SRRD: variants seen among roughly 807,000 people sequenced by gnomAD.
SRRD encodes the protein SRR1 domain containing.
In SRRD, 28 loss-of-function variants were observed where a neutral mutation model predicts 30.7. The ratio of observed to expected loss-of-function variants is 0.91; its 90% CI spans 0.68 to 1.25. The LOEUF (loss-of-function observed/expected upper bound fraction) is 1.25. Ranked by LOEUF, SRRD falls within the 50% of genes most tolerant of loss-of-function variation. The pLI, the probability that SRRD is intolerant of heterozygous loss-of-function variation, is 0.00. For synonymous variants in SRRD, 161 were observed against 159.6 expected (o/e 1.01, Z -0.07); for missense variants, 415 against 417.3 (o/e 0.99, Z 0.05).
chr22:26,483,926 G>A lies in SRRD; in HGVS notation c.36G>A (p.Trp12Ter). The change falls in exon 1 of 7, where the codon TGG (tryptophan) becomes TGA (stop). Residue 12 changes from tryptophan (W) to a stop codon, truncating the protein, a stop_gained. Coordinates refer to ENST00000215917, the MANE Select transcript of SRRD (RefSeq NM_001013694.3). LOFTEE classifies it high-confidence loss of function. ...AAAAAAALESWQAAAPRKRRS... is the reference protein window; with the variant it reads ...AAAAAAALES ...CCGCAGCTGCGGCGCTGGAATCCTG[G>A]CAGGCGGCGGCTCCGCGGAAGAGGC... is the stretch of plus-strand genomic sequence containing the variant. 7.4e-7 allele frequency: 1 copy of A among 1,350,144 alleles called. No homozygotes were observed. Among genetic ancestry groups the A allele is most frequent in the Non-Finnish European group, 9.4e-7 (1 of 1,061,686 alleles). 83.6% of individuals were successfully genotyped at this position (1,350,144 alleles called of 1,614,324 possible).
At chr22:26,489,750 T>C (rs571786563) in intron 4 of SRRD, among the ~76,000 whole-genome samples, 24 of 152,306 alleles carry the variant, frequency 1.6e-4, no homozygotes, top group Middle Eastern at 3.4e-3. Flanking sequence ...CCTCCTGTTC[T>C]TGCCGTCATA....
At chr22:26,487,663 C>A (rs2091718145) in intron 2 of SRRD, among the ~76,000 whole-genome samples, 1 of 152,150 alleles carries the variant, frequency 6.6e-6, no homozygotes, top group Non-Finnish European at 1.5e-5. Flanking sequence ...TTTGTTACAA[C>A]TTTAAAAGTA....
chr22:26,490,341 C>T (rs1006109418), intron 5 of SRRD, 143 bp downstream of exon 5: 2 of 994,210 alleles, frequency 2.0e-6, no homozygotes, highest in Non-Finnish European at 2.9e-6. Flanking sequence ...GGCTTAAAGA[C>T]AGATGTCAAA....
chr22:26,485,963 T>A, intron 1 of SRRD, 60 bp from the exon 2 acceptor site: 1 of 1,604,856 alleles, frequency 6.2e-7, no homozygotes, highest in Non-Finnish European at 8.5e-7. Context: ...TCAGGAAAGT[T>A]ACTGTTGGGG....
At chr22:26,485,960 A>G (rs919726540) in intron 1 of SRRD, 63 bp from the exon 2 acceptor site, 2 of 1,599,740 alleles carry the variant, frequency 1.3e-6, no homozygotes, top group Non-Finnish European at 8.6e-7. Flanking sequence ...TGATCAGGAA[A>G]GTTACTGTTG....
In SRRD at chr22:26,483,938, T is replaced by C. The variant is rs2147092630; in HGVS notation, c.48T>C (p.Ala16=). Residue 16 remains alanine, a synonymous_variant, in exon 1 of 7, where the codon GCT becomes GCC. Transcript: ENST00000215917. The part of the protein sequence containing the change: ...AAALESWQAA[A]PRKRRSAARR... ...CGCTGGAATCCTGGCAGGCGGCGGCTCCGCGGAAGAGGCGCTCCGCGGCTC... is the reference window on the plus strand; with the variant it reads ...CGCTGGAATCCTGGCAGGCGGCGGCCCCGCGGAAGAGGCGCTCCGCGGCTC... 4 of 1,352,006 alleles carry C rather than the reference T, an allele frequency of 3.0e-6. No individual in the cohort carries two copies. Among genetic ancestry groups the C allele is most frequent in the Non-Finnish European group, 3.8e-6 (4 of 1,063,008 alleles). The allele number at this position is 1,352,006 out of a possible 1,614,324, so 83.8% of individuals were successfully genotyped here.
intron 6 of SRRD, 77 bp from the exon 7 acceptor site, chr22:26,491,386 A>G (rs1317633521): frequency 1.7e-6 from 2 of 1,162,078 alleles, no homozygotes; most frequent in African/African-American, 3.1e-5. Flanking sequence ...GATGACAAGT[A>G]AAGTGGAAAT....
chr22:26,491,422 G>A (rs1388948128), intron 6 of SRRD, 41 bp from the exon 7 acceptor site: 2 of 1,479,144 alleles, frequency 1.4e-6, no homozygotes, highest in Admixed American at 3.5e-5. Flanking sequence ...GGGGATTACT[G>A]TGACTATCTG....
chr22:26,486,083 T>A lies in SRRD; in HGVS notation c.250+20T>A. On this transcript the variant is annotated intron_variant, in intron 2 of 6. Coordinates refer to ENST00000215917, the MANE Select transcript of SRRD (RefSeq NM_001013694.3). The stretch of plus-strand genomic sequence containing the variant: ...CACTAGGTGGGTACCACTTGGCCAA[T>A]GGTAGGGATTGTGGGGCAGAAAAGA... 6.2e-7 allele frequency: 1 copy of A among 1,611,612 alleles called. No individual in the cohort carries two copies. The highest frequency in any genetic ancestry group is 1.7e-4 in the Middle Eastern group (1 of 6,060).
At chr22:26,490,559 C>CTTTTTTGTTTTTTTTTTTTTT (rs1921027159) in intron 5 of SRRD, among the ~76,000 whole-genome samples, 1 of 51,834 alleles carries the variant, frequency 1.9e-5, no homozygotes, top group Admixed American at 3.3e-4. Context: ...GGAATATTTG[C>CTTTTTTGTTTTTTTTTTTTTT]TTTTTTTTTT....
At chr22:26,485,292 T>A (rs2091680428) in intron 1 of SRRD, among the ~76,000 whole-genome samples, 1 of 152,188 alleles carries the variant, frequency 6.6e-6, no homozygotes, top group Admixed American at 6.5e-5. Context: ...ATTTACCAGT[T>A]CATAAAGCAT....
At chr22:26,490,763 C>A in intron 5 of SRRD, 1 of 405,056 alleles carries the variant, frequency 2.5e-6, no homozygotes, top group East Asian at 4.5e-5. Context: ...GGGGTTTTAC[C>A]ATGTTGGCCA....
At chr22:26,490,987 G>GTTTTTTTTTTTTTTTTTTTTTTTTTT in intron 5 of SRRD, 38 bp from the exon 6 acceptor site, 1 of 1,448,718 alleles carries the variant, frequency 6.9e-7, no homozygotes, top group Non-Finnish European at 9.5e-7. Flanking sequence ...TAATCATGGT[G>GTTTTTTTTTTTTTTTTTTTTTTTTTT]TTTTTTTTTT....
rs2091707252 is a variant in SRRD, at chr22:26,486,163, T to C, written c.250+100T>C. On this transcript the variant is annotated intron_variant, in intron 2 of 6. Transcript: ENST00000215917. The stretch of plus-strand genomic sequence containing the variant: ...TTCACAGAGGGATAACTTGCTGGGT[T>C]CTAACGCCGCCCGCCCCTTACAGCT... The C allele has an allele frequency of 2.1e-6, 3 of 1,433,588 alleles. No individual in the cohort carries two copies. The Admixed American group carries it at 5.3e-5, about 25-fold the overall frequency. The allele number at this position is 1,433,588 out of a possible 1,614,324, so 88.8% of individuals were successfully genotyped here.
At position 26,488,490 on chromosome 22, in the gene SRRD, T is replaced by C; in HGVS notation, c.609+2T>C. The C allele has an allele frequency of 6.2e-7, 1 of 1,611,324 alleles. No homozygotes were observed. The highest frequency in any genetic ancestry group is 8.5e-7 in the Non-Finnish European group (1 of 1,177,474). On this transcript the variant is annotated splice_donor_variant, in intron 4 of 6. Coordinates refer to ENST00000215917, the MANE Select transcript of SRRD (RefSeq NM_001013694.3). LOFTEE classifies it high-confidence loss of function. ...GTGACTGTTCTCAGTGAGAACGAGG[T>C]AAGTGGTTTAAAGGGGAGCAGACAG...
In SRRD at chr22:26,488,072, G is replaced by C. The variant is rs2091721478; in HGVS notation, c.294G>C (p.Lys98Asn). Residue 98 changes from lysine to asparagine, a missense_variant, in exon 3 of 7, where the codon AAG becomes AAC. Transcript: ENST00000215917. ...RCLTKHLEQL[K>N]APVGTLSDIF... ...TCACAAAACATCTGGAACAACTGAA[G>C]GCCCCTGTGGGGACTCTTTCAGACA... 6.2e-7 allele frequency: 1 copy of C among 1,613,406 alleles called. No homozygotes were observed.
In SRRD at chr22:26,492,217, G is replaced by A; in HGVS notation, c.*545G>A. On this transcript the variant is annotated 3_prime_UTR_variant, in exon 7 of 7. Coordinates refer to ENST00000215917, the MANE Select transcript of SRRD (RefSeq NM_001013694.3). ...TCTCAATGAGGTCCTTAAAGTTCATGGGCACAGAGCTAGCGGCCACGCCAA... is the reference window on the plus strand; with the variant it reads ...TCTCAATGAGGTCCTTAAAGTTCATAGGCACAGAGCTAGCGGCCACGCCAA... 1 of 1,614,196 alleles carries A rather than the reference G, an allele frequency of 6.2e-7. No homozygotes were observed. Among genetic ancestry groups the A allele is most frequent in the Non-Finnish European group, 8.5e-7 (1 of 1,180,048 alleles).
At chr22:26,489,259 T>C (rs1465558045) in intron 4 of SRRD, among the ~76,000 whole-genome samples, 2 of 152,120 alleles carry the variant, frequency 1.3e-5, no homozygotes, top group Non-Finnish European at 2.9e-5. Flanking sequence ...CAGGGAGCTT[T>C]GGGGAGACCA....
In SRRD at chr22:26,491,796, T is replaced by A; in HGVS notation, c.*124T>A. 9.8e-7 allele frequency: 1 copy of A among 1,016,454 alleles called. No individual in the cohort carries two copies. The highest frequency in any genetic ancestry group is 1.4e-6 in the Non-Finnish European group (1 of 707,390). 63.0% of individuals were successfully genotyped at this position (1,016,454 alleles called of 1,614,324 possible). On this transcript the variant is annotated 3_prime_UTR_variant, in exon 7 of 7. Transcript: ENST00000215917. Reference sequence around the variant, plus strand: ...GGAAAGAACATCAACTTGGCTGTCCTGTTTTGAGGACGATACCCCACATGA... The same window carrying A: ...GGAAAGAACATCAACTTGGCTGTCCAGTTTTGAGGACGATACCCCACATGA...
Sources: gnomAD v4.1 joint callset for allele counts (sites outside exome capture counted in the v4.1 genomes callset) on GRCh38, gnomAD v4.1.1 for gene constraint, MANE v1.5 for transcripts, NCBI Gene and HGNC (gene_info 2026-07-23, HGNC 2026-07-21) for gene names.